IL1RAPL2: variants seen among roughly 807,000 people sequenced by gnomAD.
IL1RAPL2 encodes the protein X-linked interleukin-1 receptor accessory protein-like 2.
Under a neutral mutation model 44.1 loss-of-function variants are expected in IL1RAPL2, and 3 were observed. That is an observed-to-expected ratio of 0.07 (90% CI 0.03 to 0.18). The LOEUF is 0.18. IL1RAPL2 is among the 10% of genes least tolerant of loss of function. The pLI, the probability that IL1RAPL2 is intolerant of heterozygous loss-of-function variation, is 1.00. For synonymous variants in IL1RAPL2, 181 were observed against 178.8 expected (o/e 1.01, Z -0.10); for missense variants, 391 against 496.4 (o/e 0.79, Z 2.02).
At chrX:105,219,245 T>C in intron 3 of IL1RAPL2, 1 of 1,210,440 alleles carries the variant, frequency 8.3e-7, no homozygotes, top group Non-Finnish European at 1.1e-6. Flanking sequence ...GGAGGGGATA[T>C]AGTGGGTATG....
intron 2 of IL1RAPL2, among the ~76,000 whole-genome samples, chrX:104,842,905 C>T (rs1251820702): frequency 8.9e-6 from 1 of 112,706 alleles, no homozygotes; most frequent in Non-Finnish European, 1.9e-5. Flanking sequence ...TGTCCCTTAG[C>T]GGAGCTGGTG....
intron 2 of IL1RAPL2, among the ~76,000 whole-genome samples, chrX:104,837,423 A>G (rs918171940): frequency 9.0e-6 from 1 of 111,509 alleles, no homozygotes; most frequent in Non-Finnish European, 1.9e-5. Flanking sequence ...CACCATTCTG[A>G]CTGGGGTGAG....
At chrX:105,404,660 C>A (rs896128825) in intron 5 of IL1RAPL2, among the ~76,000 whole-genome samples, 5 of 110,976 alleles carry the variant, frequency 4.5e-5, no homozygotes, top group Non-Finnish European at 9.4e-5. Flanking sequence ...TATTTATATT[C>A]AAATGGTTCA....
intron 1 of IL1RAPL2, among the ~76,000 whole-genome samples, chrX:104,599,467 C>T (rs903525407): frequency 6.4e-5 from 7 of 109,718 alleles, no homozygotes; most frequent in Non-Finnish European, 1.3e-4. Flanking sequence ...AGGCTGATCT[C>T]GAACTCCTGG....
rs146877548 is a variant in IL1RAPL2 at position 104,669,366 on chromosome X, C to G, written c.82+10371C>G. 1.3e-3 allele frequency among the ~76,000 whole-genome samples: 147 copies of G among 110,747 alleles called. 6 individuals carry two copies. The East Asian group carries it at 0.038, about 29-fold the overall frequency. On this transcript the variant is annotated intron_variant, in intron 2 of 10. Transcript: ENST00000372582. The stretch of plus-strand genomic sequence containing the variant: ...CATTTTATCTTGGTCCTATCTGTAT[C>G]TTTCTGGCCATTTTTTCCCGGTCTC...
intron 1 of IL1RAPL2, among the ~76,000 whole-genome samples, chrX:104,627,467 A>G (rs7890981): frequency 0.18 from 18,056 of 101,017 alleles, 3,836 homozygotes; most frequent in African/African-American, 0.6. Context: ...ATGTACCCTA[A>G]AACTTAAAGT....
At chrX:104,769,862 G>C (rs1183366221) in intron 2 of IL1RAPL2, among the ~76,000 whole-genome samples, 1 of 111,844 alleles carries the variant, frequency 8.9e-6, no homozygotes, top group Non-Finnish European at 1.9e-5. Flanking sequence ...ATCATGGCTT[G>C]GTTTCTATTT....
intron 2 of IL1RAPL2, among the ~76,000 whole-genome samples, chrX:104,890,504 A>G (rs934052452): frequency 8.9e-6 from 1 of 111,933 alleles, no homozygotes; most frequent in Non-Finnish European, 1.9e-5. Context: ...CTGGTGTGAG[A>G]TGGTATCTCA....
chrX:105,070,800 TC>T (rs919299106), intron 2 of IL1RAPL2, among the ~76,000 whole-genome samples: 33 of 109,647 alleles, frequency 3.0e-4, no homozygotes, highest in Non-Finnish European at 5.1e-4. Context: ...AACATGAAAA[TC>T]CCCCTTTGTT....
intron 5 of IL1RAPL2, among the ~76,000 whole-genome samples, chrX:105,330,554 C>G (rs1342915913): frequency 9.0e-6 from 1 of 111,217 alleles, no homozygotes; most frequent in Non-Finnish European, 1.9e-5. Context: ...TGCAAAGTGT[C>G]CAGAACAAAA....
At chrX:105,211,272 A>C (rs1467453602) in intron 3 of IL1RAPL2, among the ~76,000 whole-genome samples, 1 of 111,141 alleles carries the variant, frequency 9.0e-6, no homozygotes, top group Non-Finnish European at 1.9e-5. Context: ...TCTCTGTTCA[A>C]ATCTGACTGT....
intron 2 of IL1RAPL2, among the ~76,000 whole-genome samples, chrX:104,666,758 C>T (rs951269963): frequency 6.3e-5 from 7 of 111,351 alleles, no homozygotes; most frequent in Non-Finnish European, 9.4e-5. Flanking sequence ...GTGTAATTTG[C>T]CCTAAACGAA....
At chrX:105,593,122 C>T (rs970129256) in intron 6 of IL1RAPL2, among the ~76,000 whole-genome samples, 4 of 111,517 alleles carry the variant, frequency 3.6e-5, no homozygotes, top group Non-Finnish European at 5.7e-5. Context: ...AAGTCTTGTT[C>T]GTTCTTTTTT....
chrX:104,892,504 C>T (rs2040410633), intron 2 of IL1RAPL2, among the ~76,000 whole-genome samples: 1 of 111,446 alleles, frequency 9.0e-6, no homozygotes, highest in Admixed American at 9.5e-5. Flanking sequence ...TCAACTTCTT[C>T]CTGGTTTAGT....
chrX:104,936,691 C>T (rs959929257), intron 2 of IL1RAPL2, among the ~76,000 whole-genome samples: 11 of 102,409 alleles, frequency 1.1e-4, no homozygotes, highest in African/African-American at 3.7e-4. Flanking sequence ...GGCGCGATCT[C>T]GGCTCACTGC....
At chrX:105,754,515 G>A (rs1255079754) in intron 9 of IL1RAPL2, among the ~76,000 whole-genome samples, 1 of 112,630 alleles carries the variant, frequency 8.9e-6, no homozygotes, top group East Asian at 2.8e-4. Flanking sequence ...TGTATATTTT[G>A]AAACAAAGGC....
At chrX:105,069,831 A>T (rs1483072455) in intron 2 of IL1RAPL2, among the ~76,000 whole-genome samples, 2 of 112,133 alleles carry the variant, frequency 1.8e-5, no homozygotes, top group Non-Finnish European at 3.8e-5. Context: ...TTACCTCAAC[A>T]ACCCTTTTGG....
intron 2 of IL1RAPL2, among the ~76,000 whole-genome samples, chrX:104,986,609 T>C (rs1014046420): frequency 8.9e-6 from 1 of 112,185 alleles, no homozygotes; most frequent in African/African-American, 3.2e-5. Context: ...AGTGAAATAA[T>C]TGACTGTTTA....
chrX:105,555,020 T>TG (rs1217151568), intron 6 of IL1RAPL2, among the ~76,000 whole-genome samples: 3 of 110,484 alleles, frequency 2.7e-5, no homozygotes, highest in Non-Finnish European at 5.7e-5. Context: ...ACTCAAACAT[T>TG]TTCAAGCCTT....
Sources: allele counts gnomAD v4.1 joint callset (sites outside exome capture counted in the v4.1 genomes callset), GRCh38; gene constraint gnomAD v4.1.1; transcripts MANE v1.5; gene names NCBI Gene and HGNC (gene_info 2026-07-23, HGNC 2026-07-21).